The following KCNQ1 variants were observed in gnomAD, a reference collection of about 807,000 sequenced individuals.
KCNQ1 encodes potassium voltage-gated channel subfamily Q member 1.
Under a neutral mutation model 72.4 loss-of-function variants are expected in KCNQ1, and 49 were observed. That is an observed-to-expected ratio of 0.68 (90% CI 0.54 to 0.86). KCNQ1 has a LOEUF of 0.86. Ranked by LOEUF, KCNQ1 falls within the 40% of genes least tolerant of loss-of-function variation. KCNQ1 has a pLI of 0.00. For synonymous variants in KCNQ1, 450 were observed against 412.6 expected (o/e 1.09, Z -1.10); for missense variants, 790 against 945.1 (o/e 0.84, Z 2.15).
chr11:2,648,683 T>C, intron 10 of KCNQ1: 1 of 398,552 alleles, frequency 2.5e-6, no homozygotes, highest in Middle Eastern at 6.3e-4. Flanking sequence ...ACCCGTTTTG[T>C]GTCCTAACAT....
At position 2,588,788 on chromosome 11, in the gene KCNQ1, A is replaced by G. The variant is rs1848631038; in HGVS notation, c.1327A>G (p.Ile443Val). The G allele has an allele frequency of 6.2e-7, 1 of 1,613,396 alleles. No individual in the cohort carries two copies. Residue 443 changes from isoleucine (I) to valine (V), a missense_variant, in exon 10 of 16, where the codon ATC becomes GTC. Transcript: ENST00000155840. The surrounding 1 kb of genome is among the most constrained non-coding windows in gnomAD (Gnocchi z 5.6). ...AGAGAAGATGCTCACAGTCCCCCAT[A>G]TCACGTGCGACCCCCCAGAAGAGCG... ...PGEKMLTVPH[I>V]TCDPPEERRL...
At chr11:2,847,231 C>T (rs967587799) in intron 15 of KCNQ1, among the ~76,000 whole-genome samples, 1 of 152,180 alleles carries the variant, frequency 6.6e-6, no homozygotes, top group Non-Finnish European at 1.5e-5. Context: ...GCCTCCTCAA[C>T]CACCCCAGGC....
intron 10 of KCNQ1, among the ~76,000 whole-genome samples, chr11:2,591,152 C>G (rs1275960451): frequency 6.6e-6 from 1 of 152,278 alleles, no homozygotes; most frequent in African/African-American, 2.4e-5. Flanking sequence ...GACAAACCCA[C>G]AGTGTTCGCA....
chr11:2,510,132 A>T (rs989843442), intron 1 of KCNQ1, among the ~76,000 whole-genome samples: 1 of 151,916 alleles, frequency 6.6e-6, no homozygotes, highest in Non-Finnish European at 1.5e-5. Flanking sequence ...TATTAATACT[A>T]GCTGGGTGTG....
At chr11:2,585,742 G>A (rs1349896897) in intron 8 of KCNQ1, among the ~76,000 whole-genome samples, 6 of 152,178 alleles carry the variant, frequency 3.9e-5, no homozygotes, top group South Asian at 2.1e-4. Context: ...CTCAGGGCTC[G>A]GGAGGCCCTG....
chr11:2,836,944 A>C (rs1848077521), intron 15 of KCNQ1, among the ~76,000 whole-genome samples: 1 of 152,200 alleles, frequency 6.6e-6, no homozygotes. Context: ...TATACCATGA[A>C]AAACCCTGTA....
intron 2 of KCNQ1, among the ~76,000 whole-genome samples, chr11:2,531,418 G>C (rs555515315): frequency 6.6e-6 from 1 of 152,210 alleles, no homozygotes; most frequent in Non-Finnish European, 1.5e-5. Flanking sequence ...GACCAGGTAG[G>C]GTTGCTCCCT....
Position 2,775,963 on chromosome 11 carries a change from G to T in KCNQ1, c.1594G>T (p.Ala532Ser). ...YFVAKKKFQQ[A>S]RKPYDVRDVI... ...TGCGTGTCTTTTTGTCCCGCAGCAA[G>T]CGCGGAAGCCTTACGATGTGCGGGA... is the stretch of plus-strand genomic sequence containing the variant. The change falls in exon 13 of 16, where the codon GCG becomes TCG. Residue 532 changes from alanine to serine, a missense_variant. By Grantham distance (99) the Ala-to-Ser change is moderately conservative. Transcript: ENST00000155840. 1 of 1,558,246 alleles carries T rather than the reference G, an allele frequency of 6.4e-7. No individual in the cohort carries two copies. Among genetic ancestry groups the T allele is most frequent in the Non-Finnish European group, 8.7e-7 (1 of 1,150,716 alleles).
rs189755546 is a variant in KCNQ1, at chr11:2,705,602, C to G, written c.1514+43521C>G. 4.5e-3 allele frequency among the ~76,000 whole-genome samples: 690 copies of G among 152,332 alleles called. 4 individuals carry two copies. The highest frequency in any genetic ancestry group is 6.9e-3 in the Admixed American group (105 of 15,306). On this transcript the variant is annotated intron_variant, in intron 11 of 15. Transcript: ENST00000155840. Reference sequence around the variant, plus strand: ...ATCCCAAGCTCGGGGTGTGTGCCCCCCTTCCTGTGCAGGCCTGCCACTTCC... The same window carrying G: ...ATCCCAAGCTCGGGGTGTGTGCCCCGCTTCCTGTGCAGGCCTGCCACTTCC...
chr11:2,561,406 G>GC (rs1011894378), intron 2 of KCNQ1, among the ~76,000 whole-genome samples: 4 of 152,150 alleles, frequency 2.6e-5, no homozygotes, highest in South Asian at 2.1e-4. Context: ...TCAGGACCCT[G>GC]CCCCCCGAGG....
intron 15 of KCNQ1, among the ~76,000 whole-genome samples, chr11:2,802,068 G>T (rs182462925): frequency 6.6e-6 from 1 of 152,214 alleles, no homozygotes; most frequent in Admixed American, 6.5e-5. Context: ...GGGGCGCGGT[G>T]GGCACATTCA....
At chr11:2,609,924 T>C (rs1848950833) in intron 10 of KCNQ1, 1 of 398,090 alleles carries the variant, frequency 2.5e-6, no homozygotes, top group African/African-American at 2.1e-5. Context: ...GTGCCTCATA[T>C]AGATGGAATA....
Position 2,492,025 on chromosome 11 carries a change from A to G in KCNQ1, c.387-35903A>G, listed in dbSNP as rs117230705. The stretch of plus-strand genomic sequence containing the variant: ...GGAGAAATACAGACCTTCCCAGACA[A>G]ACAAAAGCTGAGGATGTCATCAACA... On this transcript the variant is annotated intron_variant, in intron 1 of 15. Transcript: ENST00000155840. The surrounding 1 kb of genome is among the most constrained non-coding windows in gnomAD (Gnocchi z 4.1). 9.0e-3 allele frequency among the ~76,000 whole-genome samples: 1,369 copies of G among 152,344 alleles called. 13 individuals carry two copies. The highest frequency in any genetic ancestry group is 0.016 in the Non-Finnish European group (1,055 of 68,024).
At position 2,620,595 on chromosome 11, in the gene KCNQ1, G is replaced by A; in HGVS notation, c.1393+31741G>A. On this transcript the variant is annotated intron_variant, in intron 10 of 15. Coordinates refer to ENST00000155840, the MANE Select transcript of KCNQ1 (RefSeq NM_000218.3). The surrounding 1 kb of genome is among the most constrained non-coding windows in gnomAD (Gnocchi z 4.5). ...TTTCTTTATCCAATCCACCACTGAT[G>A]GGCATCTAAGTGGATTCCATGTCTT... 2.5e-6 allele frequency: 1 copy of A among 397,462 alleles called. No homozygotes were observed. Among genetic ancestry groups the A allele is most frequent in the East Asian group, 3.6e-5 (1 of 28,046 alleles). The allele number at this position is 397,462 out of a possible 1,614,324, so 24.6% of individuals were successfully genotyped here.
rs778588324 is a variant in KCNQ1 at position 2,516,011 on chromosome 11, T to G, written c.387-11917T>G. ...CCGGGCATCCCACAGCTCTCCTCAC[T>G]GAGCCCCTGGGCCTATCCGCCCACG... On this transcript the variant is annotated intron_variant, in intron 1 of 15. Coordinates refer to ENST00000155840, the MANE Select transcript of KCNQ1 (RefSeq NM_000218.3). This position sits in a 1 kb window ranked among gnomAD's most constrained non-coding sequence, Gnocchi z 7.0. Among the ~76,000 whole-genome samples the G allele has an allele frequency of 4.9e-4, 75 of 152,056 alleles. 1 individual carries two copies. Among genetic ancestry groups the G allele is most frequent in the Non-Finnish European group, 7.7e-4 (52 of 67,956 alleles).
Position 2,604,073 on chromosome 11 carries a change from G to A in KCNQ1, c.1393+15219G>A, listed in dbSNP as rs145422184. 7.2e-5 allele frequency among the ~76,000 whole-genome samples: 11 copies of A among 152,278 alleles called. No individual in the cohort carries two copies. In the East Asian group the frequency reaches 2.1e-3, roughly 29 times the overall value. The stretch of plus-strand genomic sequence containing the variant: ...AAACATTTTGTTTATCCATTTATTT[G>A]TTGATAAGCATTTTAGATTGTTTCC... On this transcript the variant is annotated intron_variant, in intron 10 of 15. Transcript: ENST00000155840.
In KCNQ1 at chr11:2,481,954, G is replaced by T. The variant is rs1453834578; in HGVS notation, c.386+36470G>T. Among the ~76,000 whole-genome samples, 1 of 152,170 alleles carries T rather than the reference G, an allele frequency of 6.6e-6. No homozygotes were observed. The highest frequency in any genetic ancestry group is 1.5e-5 in the Non-Finnish European group (1 of 68,030). ...TCATCCCAGAACCACCCACACCACT[G>T]GTCTGTGGAAAAACTGTTTTCCATG... On this transcript the variant is annotated intron_variant, in intron 1 of 15. Transcript: ENST00000155840. The surrounding 1 kb of genome is among the most constrained non-coding windows in gnomAD (Gnocchi z 4.6).
intron 2 of KCNQ1, among the ~76,000 whole-genome samples, chr11:2,532,394 C>T (rs558196225): frequency 3.9e-5 from 6 of 152,230 alleles, no homozygotes; most frequent in East Asian, 1.9e-4. Context: ...CCCTCCCACT[C>T]GCCTTGCCAC....
Position 2,508,928 on chromosome 11 carries a change from C to G in KCNQ1, c.387-19000C>G, listed in dbSNP as rs1320133759. ...GGAGGGCACCCTACAGTCACAGAGG[C>G]AAACGAAGAATGTAGAGCTCCAGCT... On this transcript the variant is annotated intron_variant, in intron 1 of 15. Transcript: ENST00000155840. The surrounding 1 kb of genome is among the most constrained non-coding windows in gnomAD (Gnocchi z 6.2). Among the ~76,000 whole-genome samples, 1 of 152,170 alleles carries G rather than the reference C, an allele frequency of 6.6e-6. No individual in the cohort carries two copies. The highest frequency in any genetic ancestry group is 2.4e-5 in the African/African-American group (1 of 41,436).
Sources: gnomAD v4.1 joint callset for allele counts (sites outside exome capture counted in the v4.1 genomes callset) on GRCh38, gnomAD v4.1.1 for gene constraint, Gnocchi (gnomAD v3.1) non-coding constraint, MANE v1.5 for transcripts, NCBI Gene and HGNC (gene_info 2026-07-23, HGNC 2026-07-21) for gene names.